The following ADAMTSL1 variants were observed in gnomAD, a reference collection of about 807,000 sequenced individuals.
ADAMTSL1 encodes ADAMTS-like protein 1.
ADAMTSL1 carries 126 observed loss-of-function variants against 201.8 expected under a neutral mutation model. That is an observed-to-expected ratio of 0.62 (90% CI 0.54 to 0.72). ADAMTSL1 has a LOEUF of 0.72. Ranked by LOEUF, ADAMTSL1 falls within the 30% of genes least tolerant of loss-of-function variation. The pLI is 0.00. For missense variants in ADAMTSL1, 2,679 were observed against 2,277.8 expected (o/e 1.18, Z -3.59); for synonymous variants, 1,121 against 903.4 (o/e 1.24, Z -4.32).
chr9:18,729,802 T>C (rs1818108616), intron 15 of ADAMTSL1, among the ~76,000 whole-genome samples: 1 of 152,214 alleles, frequency 6.6e-6, no homozygotes, highest in Non-Finnish European at 1.5e-5. Flanking sequence ...GCTGCTCTTC[T>C]TAAGACACTT....
At chr9:18,635,800 T>A in intron 5 of ADAMTSL1, 143 bp from the exon 6 acceptor site, 1 of 620,000 alleles carries the variant, frequency 1.6e-6, no homozygotes. Context: ...AAATGTTGAT[T>A]TCTAAATATT....
intron 2 of ADAMTSL1, among the ~76,000 whole-genome samples, chr9:18,454,328 C>T (rs760509633): frequency 6.6e-6 from 1 of 152,160 alleles, no homozygotes; most frequent in Non-Finnish European, 1.5e-5. Context: ...TATTTTCTCT[C>T]CTTTTTTGTT....
At chr9:18,896,070 CAG>C (rs1020304812) in intron 26 of ADAMTSL1, among the ~76,000 whole-genome samples, 3 of 152,028 alleles carry the variant, frequency 2.0e-5, no homozygotes, top group African/African-American at 7.3e-5. Context: ...AATAAACAAA[CAG>C]AGTCTAAAAG....
At chr9:18,838,213 G>A (rs1199121387) in intron 23 of ADAMTSL1, among the ~76,000 whole-genome samples, 2 of 152,050 alleles carry the variant, frequency 1.3e-5, no homozygotes, top group African/African-American at 2.4e-5. Context: ...CAGATCTCAT[G>A]AGACTCATTC....
intron 2 of ADAMTSL1, among the ~76,000 whole-genome samples, chr9:18,462,406 A>T (rs1297166606): frequency 6.6e-6 from 1 of 152,234 alleles, no homozygotes; most frequent in Admixed American, 6.5e-5. Context: ...ACAAAATGGA[A>T]ATGGTTCCTG....
intron 1 of ADAMTSL1, among the ~76,000 whole-genome samples, chr9:18,495,730 T>C (rs1822500714): frequency 6.6e-6 from 1 of 152,188 alleles, no homozygotes; most frequent in African/African-American, 2.4e-5. Flanking sequence ...TACAGAGTTT[T>C]TGATGGACTT....
At chr9:18,881,279 CT>C (rs1828519217) in intron 23 of ADAMTSL1, among the ~76,000 whole-genome samples, 1 of 152,202 alleles carries the variant, frequency 6.6e-6, no homozygotes, top group African/African-American at 2.4e-5. Flanking sequence ...CCTGTCTTGG[CT>C]TTTGACATAC....
intron 16 of ADAMTSL1, among the ~76,000 whole-genome samples, chr9:18,766,425 G>A (rs1166364860): frequency 6.6e-6 from 1 of 152,172 alleles, no homozygotes; most frequent in Admixed American, 6.5e-5. Flanking sequence ...AGAATAGAGT[G>A]TAGAGAAGAC....
intron 2 of ADAMTSL1, among the ~76,000 whole-genome samples, chr9:18,267,599 G>A (rs1203683752): frequency 6.6e-6 from 1 of 152,058 alleles, no homozygotes; most frequent in Non-Finnish European, 1.5e-5. Context: ...AGCACTCTAC[G>A]AAAACTGAAG....
chr9:18,155,211 A>T (rs1335799820), intron 1 of ADAMTSL1, among the ~76,000 whole-genome samples: 1 of 152,088 alleles, frequency 6.6e-6, no homozygotes, highest in African/African-American at 2.4e-5. Flanking sequence ...GGTTTGTGAA[A>T]CAATGTGAGT....
At chr9:17,926,078 G>T (rs1826514477) in intron 1 of ADAMTSL1, among the ~76,000 whole-genome samples, 1 of 152,082 alleles carries the variant, frequency 6.6e-6, no homozygotes, top group Non-Finnish European at 1.5e-5. Context: ...ACGCTCCACT[G>T]ACTCATGCGG....
intron 2 of ADAMTSL1, among the ~76,000 whole-genome samples, chr9:18,329,881 A>G (rs773016070): frequency 2.0e-5 from 3 of 152,220 alleles, no homozygotes; most frequent in Non-Finnish European, 4.4e-5. Context: ...TGGCTAGCAG[A>G]ACAGTCTCAG....
chr9:18,870,102 C>G (rs1588276182), intron 23 of ADAMTSL1, among the ~76,000 whole-genome samples: 2 of 152,124 alleles, frequency 1.3e-5, no homozygotes, highest in East Asian at 3.8e-4. Context: ...TACTTGTCTA[C>G]TGATACATGC....
intron 19 of ADAMTSL1, among the ~76,000 whole-genome samples, chr9:18,778,116 T>G (rs1821171369): frequency 6.6e-6 from 1 of 152,250 alleles, no homozygotes; most frequent in African/African-American, 2.4e-5. Flanking sequence ...CTGTCTGTTC[T>G]CATCTTTATA....
intron 13 of ADAMTSL1, among the ~76,000 whole-genome samples, chr9:18,692,046 T>C (rs192852161): frequency 8.5e-5 from 13 of 152,268 alleles, no homozygotes; most frequent in African/African-American, 2.9e-4. Context: ...ACAACAATAT[T>C]TAACTCAAAA....
intron 1 of ADAMTSL1, among the ~76,000 whole-genome samples, chr9:17,979,183 G>C (rs538318274): frequency 2.4e-4 from 36 of 152,114 alleles, no homozygotes; most frequent in Admixed American, 1.7e-3. Flanking sequence ...AGACTTTCAG[G>C]ATTCATAAAC....
At chr9:18,844,491 G>A (rs1159523799) in intron 23 of ADAMTSL1, among the ~76,000 whole-genome samples, 1 of 152,194 alleles carries the variant, frequency 6.6e-6, no homozygotes, top group Non-Finnish European at 1.5e-5. Flanking sequence ...CAGGGGTCAG[G>A]GACCCACTTG....
intron 3 of ADAMTSL1, among the ~76,000 whole-genome samples, chr9:18,552,901 A>T (rs1820871800): frequency 1.3e-5 from 2 of 151,032 alleles, no homozygotes; most frequent in South Asian, 2.1e-4. Context: ...ACCTTTCTTT[A>T]TCTTTATGGA....
At chr9:18,716,142 A>C (rs922630761) in intron 14 of ADAMTSL1, among the ~76,000 whole-genome samples, 6 of 151,774 alleles carry the variant, frequency 4.0e-5, no homozygotes, top group African/African-American at 1.2e-4. Flanking sequence ...CCCTAGAGGA[A>C]AACCTAGGCA....
Sources: gnomAD v4.1 joint callset for allele counts (sites outside exome capture counted in the v4.1 genomes callset) on GRCh38, gnomAD v4.1.1 for gene constraint, MANE v1.5 for transcripts, NCBI Gene and HGNC (gene_info 2026-07-23, HGNC 2026-07-21) for gene names.